Variants in ADGRV1 observed in about 807,000 individuals in gnomAD.
ADGRV1 encodes adhesion G protein-coupled receptor V1, also known as G-protein coupled receptor 98.
In ADGRV1, 359 loss-of-function variants were observed where a neutral mutation model predicts 596.2. The ratio of observed to expected loss-of-function variants is 0.60; its 90% CI spans 0.55 to 0.66. The LOEUF (loss-of-function observed/expected upper bound fraction) is 0.66. Ranked by LOEUF, ADGRV1 falls within the 30% of genes least tolerant of loss-of-function variation. The probability of loss-of-function intolerance (pLI) is 0.00; values close to 1 mark genes in which losing one functional copy is unlikely to be tolerated. For missense variants in ADGRV1, 7,274 were observed against 7,575.6 expected, an observed-to-expected ratio of 0.96 and a Z score of 1.48; for synonymous variants, 2,681 against 2,679.2, an observed-to-expected ratio of 1.00 and a Z score of -0.02.
At chr5:90,705,015 G>T (rs1200995909) in intron 36 of ADGRV1, among the ~76,000 whole-genome samples, 6 of 152,002 alleles carry the variant, frequency 3.9e-5, no homozygotes, top group Admixed American at 2.6e-4. Flanking sequence ...TCACCATGTT[G>T]GCCAGGATGA....
rs898249492 is a variant in ADGRV1 at position 91,063,540 on chromosome 5, T to A, written c.18153-8907T>A. Among the ~76,000 whole-genome samples the A allele has an allele frequency of 1.6e-4, 25 of 152,204 alleles. 1 individual carries two copies. Among genetic ancestry groups the A allele is most frequent in the Admixed American group, 1.5e-3 (23 of 15,274 alleles). ...AGCATTCCTACGCATGATGTTAACATCATTTTGGAACAGTTGGCGGAAGAT... is the reference window on the plus strand; with the variant it reads ...AGCATTCCTACGCATGATGTTAACAACATTTTGGAACAGTTGGCGGAAGAT... On this transcript the variant is annotated intron_variant, in intron 85 of 89. Transcript: ENST00000405460.
intron 70 of ADGRV1, among the ~76,000 whole-genome samples, chr5:90,795,090 T>G (rs1396263036): frequency 1.3e-5 from 2 of 148,322 alleles, no homozygotes; most frequent in Non-Finnish European, 3.0e-5. Flanking sequence ...GCAGAAGTTT[T>G]TTTTTTTTTT....
intron 87 of ADGRV1, among the ~76,000 whole-genome samples, chr5:91,148,404 A>G (rs1018122193): frequency 1.3e-5 from 2 of 152,108 alleles, no homozygotes; most frequent in African/African-American, 2.4e-5. Flanking sequence ...TCATGACTCT[A>G]AGGGGCTAAG....
intron 75 of ADGRV1, among the ~76,000 whole-genome samples, chr5:90,821,443 G>T (rs913771874): frequency 3.1e-4 from 47 of 151,728 alleles, no homozygotes; most frequent in Non-Finnish European, 6.3e-4. Flanking sequence ...ATCCAGCTTT[G>T]TTCCGTTGCT....
chr5:90,675,477 T>C (rs1192784959), intron 24 of ADGRV1, 32 bp downstream of exon 24: 2 of 1,572,170 alleles, frequency 1.3e-6, no homozygotes, highest in Non-Finnish European at 1.7e-6. Context: ...AAGTTGTATT[T>C]GCACTTGTAA....
chr5:90,676,346 G>A (rs572072345), intron 25 of ADGRV1, 137 bp downstream of exon 25: 22 of 741,820 alleles, frequency 3.0e-5, no homozygotes, highest in Middle Eastern at 4.2e-4. Context: ...TTTGAAGAGA[G>A]CAGCCTGAAA....
chr5:91,018,371 T>C (rs1390805323), intron 85 of ADGRV1, among the ~76,000 whole-genome samples: 1 of 152,004 alleles, frequency 6.6e-6, no homozygotes, highest in African/African-American at 2.4e-5. Flanking sequence ...GAGATGCCTT[T>C]GGTAAACTGG....
chr5:90,872,661 T>C (rs1230794323), intron 83 of ADGRV1, among the ~76,000 whole-genome samples: 5 of 152,162 alleles, frequency 3.3e-5, no homozygotes, highest in Non-Finnish European at 7.3e-5. Context: ...TATTATTGCC[T>C]CTGCATTGTG....
rs564756226 is a variant in ADGRV1, at chr5:90,823,137, A to G, written c.16197-288A>G. Among the ~76,000 whole-genome samples the G allele has an allele frequency of 1.3e-4, 20 of 152,270 alleles. No individual in the cohort carries two copies. The South Asian group carries it at 4.1e-3, about 32-fold the overall frequency. ...GCCCTTTATTTCCTTCTCGAAAAAT[A>G]TTATTTGTTTTTACATTCCTTATAC... On this transcript the variant is annotated intron_variant, in intron 75 of 89. Coordinates refer to ENST00000405460, the MANE Select transcript of ADGRV1 (RefSeq NM_032119.4).
rs759678636 is a variant in ADGRV1, at chr5:90,684,079, A to G, written c.6158A>G (p.Gln2053Arg). 2 of 1,613,990 alleles carry G rather than the reference A, an allele frequency of 1.2e-6. No homozygotes were observed. Among genetic ancestry groups the G allele is most frequent in the South Asian group, 2.2e-5 (2 of 91,078 alleles). Reference protein sequence around the residue: ...ASGFALFGANQSEATIAISIL... With the variant: ...ASGFALFGANRSEATIAISIL... ...GGATTTGCTCTTTTTGGAGCTAATC[A>G]GAGTGAGGCAACAATAGCTATTTCA... The change falls in exon 28 of 90, where the codon CAG (glutamine) becomes CGG (arginine). Residue 2053 changes from glutamine to arginine, a missense_variant. By Grantham distance (43) the Gln-to-Arg change is conservative. Transcript: ENST00000405460.
intron 50 of ADGRV1, among the ~76,000 whole-genome samples, chr5:90,732,890 C>G (rs190924383): frequency 6.6e-6 from 1 of 152,168 alleles, no homozygotes; most frequent in Admixed American, 6.6e-5. Context: ...CCTCTGAAAT[C>G]CTCTAAAAGG....
intron 85 of ADGRV1, among the ~76,000 whole-genome samples, chr5:91,020,644 G>C (rs539074282): frequency 1.3e-5 from 2 of 152,104 alleles, no homozygotes; most frequent in South Asian, 4.1e-4. Flanking sequence ...AAGCATGTGT[G>C]AAAGACCCAC....
At chr5:91,057,139 G>A (rs1328149666) in intron 85 of ADGRV1, among the ~76,000 whole-genome samples, 1 of 152,202 alleles carries the variant, frequency 6.6e-6, no homozygotes. Context: ...GTAAGGAAGA[G>A]CAGCCCTGAC....
rs114171657 is a variant in ADGRV1 at position 91,110,898 on chromosome 5, A to G, written c.18432+8558A>G. Among the ~76,000 whole-genome samples the G allele has an allele frequency of 9.1e-3, 1,386 of 152,254 alleles. 18 individuals are homozygous for G. Among genetic ancestry groups the G allele is most frequent in the African/African-American group, 0.032 (1,313 of 41,552 alleles). ...GACTGTTTCTCTGTGACTGACTTGT[A>G]CATGTTCGTTTGTACAAGCATCTGG... On this transcript the variant is annotated intron_variant, in intron 87 of 89. Transcript: ENST00000405460.
intron 85 of ADGRV1, among the ~76,000 whole-genome samples, chr5:91,015,262 G>C (rs947323097): frequency 9.9e-5 from 15 of 151,934 alleles, no homozygotes; most frequent in Non-Finnish European, 2.2e-4. Flanking sequence ...GTATGATTGT[G>C]GTTCTTTTGC....
At chr5:90,789,582 C>A in intron 68 of ADGRV1, 120 bp from the exon 69 acceptor site, 3 of 596,210 alleles carry the variant, frequency 5.0e-6, no homozygotes, top group South Asian at 4.0e-5. Context: ...AGAGTATATT[C>A]AAGTGTCATT....
At position 90,629,308 on chromosome 5, in the gene ADGRV1, C is replaced by T. The variant is rs1561416879; in HGVS notation, c.1608C>T (p.Tyr536=). The change falls in exon 9 of 90, where the codon TAC becomes TAT. Residue 536 remains tyrosine (Y), a synonymous_variant. Transcript: ENST00000405460. ...TTGAAAGCAGCCCAGGTGAACGATA[C>T]TTATCCTTGAGTTTTACAAGACTAG... ...QKIESSPGER[Y]LSLSFTRLGG... is the part of the protein sequence containing the mutation. 1.2e-6 allele frequency: 2 copies of T among 1,613,538 alleles called. No individual in the cohort carries two copies. The highest frequency in any genetic ancestry group is 1.7e-6 in the Non-Finnish European group (2 of 1,179,736).
chr5:90,743,713 T>C (rs1213136119), intron 50 of ADGRV1, among the ~76,000 whole-genome samples: 2 of 152,060 alleles, frequency 1.3e-5, no homozygotes, highest in Non-Finnish European at 2.9e-5. Context: ...CCTCGTGATC[T>C]TCCTGCCTCT....
At chr5:90,975,857 A>T (rs75304324) in intron 84 of ADGRV1, among the ~76,000 whole-genome samples, 2 of 40,438 alleles carry the variant, frequency 4.9e-5, no homozygotes, top group Non-Finnish European at 8.0e-5. Flanking sequence ...GTATAATAAT[A>T]AAAAAAAAAT....
Sources: allele counts gnomAD v4.1 joint callset (sites outside exome capture counted in the v4.1 genomes callset), GRCh38; gene constraint gnomAD v4.1.1; transcripts MANE v1.5; gene names NCBI Gene and HGNC (gene_info 2026-07-23, HGNC 2026-07-21).